The following DTNBP1 variants were observed in gnomAD, a reference collection of about 807,000 sequenced individuals.
DTNBP1 encodes dystrobrevin binding protein 1.
A neutral mutation model predicts 42.8 loss-of-function variants in DTNBP1; 35 were observed. That is an observed-to-expected ratio of 0.82 (90% CI 0.63 to 1.09). The LOEUF is 1.09. Among genes scored for constraint, DTNBP1 ranks in the 50% least tolerant of loss-of-function variants. The probability of loss-of-function intolerance (pLI) is 0.00; values close to 1 mark genes in which losing one functional copy is unlikely to be tolerated. For missense variants in DTNBP1, 457 were observed against 424.2 expected (o/e 1.08, Z -0.68); for synonymous variants, 171 against 162.2 (o/e 1.05, Z -0.41).
intron 6 of DTNBP1, among the ~76,000 whole-genome samples, chr6:15,608,490 C>T (rs1270481980): frequency 1.3e-5 from 2 of 152,196 alleles, no homozygotes; most frequent in Non-Finnish European, 2.9e-5. Flanking sequence ...ATGAATTGCT[C>T]TCTAGGATTG....
rs142211938 is a variant in DTNBP1 at position 15,533,361 on chromosome 6, C to G, written c.546G>C (p.Leu182=). 2.5e-6 allele frequency: 4 copies of G among 1,614,116 alleles called. No homozygotes were observed. Among genetic ancestry groups the G allele is most frequent in the Non-Finnish European group, 3.4e-6 (4 of 1,180,058 alleles). ...ELDAEHAQKV[L]EMEHTQQMKL... ...TCATTTGCTGGGTGTGCTCCATTTC[C>G]AGGACCTTCTGGGCGTGCTCTGCAT... Residue 182 remains leucine (L), a synonymous_variant, in exon 8 of 10, where the codon CTG becomes CTC. Coordinates refer to ENST00000344537, the MANE Select transcript of DTNBP1 (RefSeq NM_032122.5).
At chr6:15,647,885 A>G (rs544586458) in intron 3 of DTNBP1, among the ~76,000 whole-genome samples, 5 of 152,140 alleles carry the variant, frequency 3.3e-5, no homozygotes, top group Admixed American at 6.5e-5. Context: ...GAAAATGAAG[A>G]GGAAGGAATA....
intron 6 of DTNBP1, among the ~76,000 whole-genome samples, chr6:15,607,456 C>A (rs1234928734): frequency 6.6e-6 from 1 of 152,072 alleles, no homozygotes; most frequent in Non-Finnish European, 1.5e-5. Context: ...CATGCAACAC[C>A]ATGCCCAGCT....
chr6:15,523,264 TGTG>T, intron 9 of DTNBP1, 45 bp from the exon 10 acceptor site: 1 of 1,612,098 alleles, frequency 6.2e-7, no homozygotes, highest in Non-Finnish European at 8.5e-7. Context: ...ATAAAAATAT[TGTG>T]AATCAGAATT....
At chr6:15,576,364 C>T (rs1159581720) in intron 7 of DTNBP1, among the ~76,000 whole-genome samples, 3 of 152,084 alleles carry the variant, frequency 2.0e-5, no homozygotes, top group Non-Finnish European at 4.4e-5. Flanking sequence ...CTCAGGTGAT[C>T]CGCCCGCTGT....
chr6:15,656,893 C>T (rs1761317046), intron 1 of DTNBP1, among the ~76,000 whole-genome samples: 1 of 152,216 alleles, frequency 6.6e-6, no homozygotes, highest in African/African-American at 2.4e-5. Context: ...CAACTGTCTA[C>T]ATCATTGGCT....
intron 6 of DTNBP1, among the ~76,000 whole-genome samples, chr6:15,600,361 G>A (rs1260971620): frequency 6.6e-6 from 1 of 152,182 alleles, no homozygotes; most frequent in African/African-American, 2.4e-5. Flanking sequence ...GTAGAGAAGA[G>A]AGTACACCTA....
intron 7 of DTNBP1, among the ~76,000 whole-genome samples, chr6:15,560,897 CT>C (rs1288820921): frequency 1.3e-5 from 2 of 152,214 alleles, no homozygotes; most frequent in African/African-American, 4.8e-5. Context: ...TCAAAGCCAA[CT>C]TAAAAAGAGC....
In DTNBP1 at chr6:15,601,002, T is replaced by G. The variant is rs549018013; in HGVS notation, c.489-7921A>C. Among the ~76,000 whole-genome samples, 84 of 152,178 alleles carry G rather than the reference T, an allele frequency of 5.5e-4. 1 individual carries two copies. The highest frequency in any genetic ancestry group is 2.0e-3 in the African/African-American group (84 of 41,516). Reference sequence around the variant, plus strand: ...GCATGCCCAAGGAGGGTCTGCAGAATGAGAGGAGGCAACAACCAAGACCAG... The same window carrying G: ...GCATGCCCAAGGAGGGTCTGCAGAAGGAGAGGAGGCAACAACCAAGACCAG... On this transcript the variant is annotated intron_variant, in intron 6 of 9. Transcript: ENST00000344537.
rs191697433 is a variant in DTNBP1, at chr6:15,661,191, T to C, written c.56+1623A>G. Among the ~76,000 whole-genome samples the C allele has an allele frequency of 2.0e-5, 3 of 152,316 alleles. No homozygotes were observed. The East Asian group carries it at 5.8e-4, about 29-fold the overall frequency. ...AAATTTTGGCTAACATCTTTCTCAT[T>C]AGAAATTTAAAACGAGGCTGGGCGC... On this transcript the variant is annotated intron_variant, in intron 1 of 9. Coordinates refer to ENST00000344537, the MANE Select transcript of DTNBP1 (RefSeq NM_032122.5).
At chr6:15,606,809 G>A (rs935499131) in intron 6 of DTNBP1, among the ~76,000 whole-genome samples, 1 of 152,100 alleles carries the variant, frequency 6.6e-6, no homozygotes, top group African/African-American at 2.4e-5. Flanking sequence ...AGTTTGCATA[G>A]CATCTTGTTA....
intron 3 of DTNBP1, among the ~76,000 whole-genome samples, chr6:15,639,461 G>T (rs988966955): frequency 7.2e-5 from 11 of 152,224 alleles, no homozygotes; most frequent in African/African-American, 2.6e-4. Flanking sequence ...TCCCCTCATA[G>T]TCAGATTCAC....
intron 7 of DTNBP1, among the ~76,000 whole-genome samples, chr6:15,567,843 T>A (rs1775165417): frequency 6.6e-6 from 1 of 152,212 alleles, no homozygotes; most frequent in African/African-American, 2.4e-5. Flanking sequence ...AAAACAATAA[T>A]GTTAAAACTC....
At chr6:15,534,315 C>T (rs1259203617) in intron 7 of DTNBP1, among the ~76,000 whole-genome samples, 1 of 152,150 alleles carries the variant, frequency 6.6e-6, no homozygotes, top group Admixed American at 6.5e-5. Context: ...ATTCTATGTA[C>T]ACATAAAATG....
intron 7 of DTNBP1, among the ~76,000 whole-genome samples, chr6:15,567,809 A>G (rs934175012): frequency 3.3e-5 from 5 of 152,196 alleles, no homozygotes; most frequent in Non-Finnish European, 5.9e-5. Flanking sequence ...AAAATATTTT[A>G]TGGAGTTGGA....
intron 7 of DTNBP1, among the ~76,000 whole-genome samples, chr6:15,561,021 A>G (rs942843966): frequency 9.2e-5 from 14 of 152,232 alleles, no homozygotes; most frequent in African/African-American, 3.4e-4. Context: ...TGTCTTTAGT[A>G]AAAATGGGAG....
intron 5 of DTNBP1, among the ~76,000 whole-genome samples, chr6:15,620,318 T>C (rs1758969274): frequency 6.6e-6 from 1 of 152,188 alleles, no homozygotes; most frequent in Non-Finnish European, 1.5e-5. Context: ...ATAAGGAGTT[T>C]ATATGGGGGA....
chr6:15,654,920 G>A (rs1255330925), intron 1 of DTNBP1, among the ~76,000 whole-genome samples: 3 of 152,168 alleles, frequency 2.0e-5, no homozygotes, highest in Admixed American at 6.5e-5. Context: ...TATGACATCA[G>A]CACTGCATTT....
In DTNBP1 at chr6:15,663,006, C is replaced by A. The variant is rs886576405; in HGVS notation, c.-137G>T. ...CTACCGGCCCCGCCCCCGGTCTGGT[C>A]CTCGCCGCCGCGCCGCAACCCCAGC... On this transcript the variant is annotated 5_prime_UTR_variant, in exon 1 of 10. Coordinates refer to ENST00000344537, the MANE Select transcript of DTNBP1 (RefSeq NM_032122.5). 1.4e-5 allele frequency: 18 copies of A among 1,268,814 alleles called. No homozygotes were observed. Among genetic ancestry groups the A allele is most frequent in the South Asian group, 1.3e-5 (1 of 76,826 alleles). 78.6% of individuals were successfully genotyped at this position (1,268,814 alleles called of 1,614,324 possible).
Sources: allele counts gnomAD v4.1 joint callset (sites outside exome capture counted in the v4.1 genomes callset), GRCh38; gene constraint gnomAD v4.1.1; transcripts MANE v1.5; gene names NCBI Gene and HGNC (gene_info 2026-07-23, HGNC 2026-07-21).